The following WNT11 variants were observed in gnomAD, a reference collection of about 807,000 sequenced individuals.
WNT11 encodes protein Wnt-11.
Under a neutral mutation model 35.6 loss-of-function variants are expected in WNT11, and 20 were observed. The observed-to-expected ratio is 0.56, with a 90% CI of 0.40 to 0.82. The LOEUF (loss-of-function observed/expected upper bound fraction) is 0.82, where lower values mean the gene tolerates loss of function less well. Among genes scored for constraint, WNT11 ranks in the 40% least tolerant of loss-of-function variants. The pLI, the probability that WNT11 is intolerant of heterozygous loss-of-function variation, is 0.00. For missense variants in WNT11, 459 were observed against 504.4 expected (o/e 0.91, Z 0.86); for synonymous variants, 200 against 211.9 (o/e 0.94, Z 0.49).
chr11:76,195,224 G>A (rs76651547), intron 2 of WNT11, among the ~76,000 whole-genome samples: 1,606 of 152,328 alleles, frequency 0.011, 27 homozygotes, highest in African/African-American at 0.036. Flanking sequence ...GTGTCCCCCC[G>A]AAGGATGTGT....
At chr11:76,202,389 A>G (rs1953393212) in intron 1 of WNT11, among the ~76,000 whole-genome samples, 1 of 152,114 alleles carries the variant, frequency 6.6e-6, no homozygotes, top group African/African-American at 2.4e-5. Context: ...TGGGAGAACA[A>G]TTGAGTCGAG....
upstream of WNT11, chr11:76,206,770 G>C (rs1295563716): frequency 3.3e-5 from 1 of 29,862 alleles, no homozygotes; most frequent in Non-Finnish European, 4.9e-5. Context: ...CGGCAGAACC[G>C]GAGACCCAGG....
intron 1 of WNT11, among the ~76,000 whole-genome samples, chr11:76,204,452 G>A (rs1418992702): frequency 2.0e-5 from 3 of 152,122 alleles, no homozygotes; most frequent in South Asian, 2.1e-4. Flanking sequence ...TGTGCCTCCC[G>A]CCTAGGACGC....
Position 76,194,572 on chromosome 11 carries a change from T to TCCCCA in WNT11, c.587_591dup (p.Arg198TrpfsTer12). 1 of 1,544,128 alleles carries TCCCCA rather than the reference T, an allele frequency of 6.5e-7. No individual in the cohort carries two copies. The highest frequency in any genetic ancestry group is 8.8e-7 in the Non-Finnish European group (1 of 1,142,172). On this transcript the variant is annotated frameshift_variant, in exon 3 of 5. Coordinates refer to ENST00000322563, the MANE Select transcript of WNT11 (RefSeq NM_004626.3). LOFTEE classifies it high-confidence loss of function. The surrounding 1 kb of genome is among the most constrained non-coding windows in gnomAD (Gnocchi z 5.4). ...TGGGTGGGGTGGGTGGTTACCTGTC[T>TCCCCA]CCCCACTTCACTGTTGTGTAGACGC... is the stretch of plus-strand genomic sequence containing the variant.
Position 76,194,452 on chromosome 11 carries a change from G to T in WNT11, c.597+115C>A. 1 of 1,237,192 alleles carries T rather than the reference G, an allele frequency of 8.1e-7. No homozygotes were observed. The highest frequency in any genetic ancestry group is 1.1e-6 in the Non-Finnish European group (1 of 900,488). 76.6% of individuals were successfully genotyped at this position (1,237,192 alleles called of 1,614,324 possible). On this transcript the variant is annotated intron_variant, in intron 3 of 4. Coordinates refer to ENST00000322563, the MANE Select transcript of WNT11 (RefSeq NM_004626.3). This position sits in a 1 kb window ranked among gnomAD's most constrained non-coding sequence, Gnocchi z 5.4. ...GGATGGTGCGAGGCACATCAGGTGTGGGCCAGTCAGGGCCCGTCCCCCCGC... is the reference window on the plus strand; with the variant it reads ...GGATGGTGCGAGGCACATCAGGTGTTGGCCAGTCAGGGCCCGTCCCCCCGC...
upstream of WNT11, among the ~76,000 whole-genome samples, chr11:76,209,212 G>C (rs1953520902): frequency 6.6e-6 from 1 of 152,166 alleles, no homozygotes; most frequent in South Asian, 2.1e-4. Context: ...GAGAGCGAGC[G>C]GTCACCTCCT....
At chr11:76,203,492 T>TC (rs930039000) in intron 1 of WNT11, among the ~76,000 whole-genome samples, 18 of 151,324 alleles carry the variant, frequency 1.2e-4, no homozygotes, top group African/African-American at 4.4e-4. Context: ...CCTCAAACCC[T>TC]CCCCCTACCC....
At chr11:76,210,739 C>G (rs1464597892), upstream of WNT11, 3 of 925,108 alleles carry the variant, frequency 3.2e-6, no homozygotes, top group Non-Finnish European at 3.9e-6. Context: ...CCCGAGCTCT[C>G]CTCCTCGCCT....
chr11:76,206,200 C>T lies in WNT11; in HGVS notation c.83+125G>A, dbSNP rs1047525661. The T allele has an allele frequency of 3.1e-4, 268 of 875,180 alleles. 1 individual carries two copies. Among genetic ancestry groups the T allele is most frequent in the Non-Finnish European group, 6.4e-5 (41 of 635,886 alleles). The allele number at this position is 875,180 out of a possible 1,614,324, so 54.2% of individuals were successfully genotyped here. ...AAACAGAGGCTGAGGGATGACTTGCCCACGACCGCCAAGCCAGCTTAGGCT... is the reference window on the plus strand; with the variant it reads ...AAACAGAGGCTGAGGGATGACTTGCTCACGACCGCCAAGCCAGCTTAGGCT... On this transcript the variant is annotated intron_variant, in intron 1 of 4. Transcript: ENST00000322563.
At chr11:76,201,409 C>T (rs1953375513) in intron 1 of WNT11, among the ~76,000 whole-genome samples, 1 of 152,200 alleles carries the variant, frequency 6.6e-6, no homozygotes, top group African/African-American at 2.4e-5. Context: ...TGACCGTTTC[C>T]AAATAAATCC....
At chr11:76,198,688 C>T (rs192933071) in intron 1 of WNT11, among the ~76,000 whole-genome samples, 28 of 152,276 alleles carry the variant, frequency 1.8e-4, no homozygotes, top group African/African-American at 5.8e-4. Context: ...AGTCTAATGG[C>T]TGGATAAAGC....
At chr11:76,208,691 G>A (rs1165818593), upstream of WNT11, among the ~76,000 whole-genome samples, 1 of 152,152 alleles carries the variant, frequency 6.6e-6, no homozygotes, top group Non-Finnish European at 1.5e-5. Flanking sequence ...CCAGGGAGAG[G>A]AGGAGCCCCC....
At chr11:76,190,053 G>GGGGAGGGGAGACTGCCC in intron 4 of WNT11, among the ~76,000 whole-genome samples, 1 of 152,116 alleles carries the variant, frequency 6.6e-6, no homozygotes, top group East Asian at 1.9e-4. Context: ...TGAGGGCACG[G>GGGGAGGGGAGACTGCCC]GGGAGGGGAG....
chr11:76,205,757 G>T (rs940489804), intron 1 of WNT11, among the ~76,000 whole-genome samples: 3 of 152,198 alleles, frequency 2.0e-5, no homozygotes, highest in South Asian at 4.1e-4. Context: ...GGAATGCCCT[G>T]CACATGTGCA....
intron 2 of WNT11, among the ~76,000 whole-genome samples, 154 bp downstream of exon 2, chr11:76,196,329 C>T (rs1953284992): frequency 6.6e-6 from 1 of 152,166 alleles, no homozygotes. Context: ...CCACCCATAC[C>T]CCATCCATCC....
At chr11:76,191,465 C>T in intron 4 of WNT11, 99 bp downstream of exon 4, 1 of 1,369,026 alleles carries the variant, frequency 7.3e-7, no homozygotes. Context: ...CCATTCCCCA[C>T]ATGCCACCTG....
intron 4 of WNT11, among the ~76,000 whole-genome samples, chr11:76,191,262 G>A (rs999308338): frequency 6.6e-6 from 1 of 152,190 alleles, no homozygotes; most frequent in African/African-American, 2.4e-5. Context: ...TCCCCCAGTA[G>A]CGTCATTGTC....
At chr11:76,209,579 G>A (rs866470500), upstream of WNT11, among the ~76,000 whole-genome samples, 1 of 152,198 alleles carries the variant, frequency 6.6e-6, no homozygotes, top group African/African-American at 2.4e-5. Context: ...GGTTACCTGC[G>A]GGGCGGGGCG....
At chr11:76,187,386 T>A (rs2134560316) in intron 4 of WNT11, 147 bp from the exon 5 acceptor site, 1 of 763,950 alleles carries the variant, frequency 1.3e-6, no homozygotes, top group Non-Finnish European at 1.9e-6. Flanking sequence ...TGGGGAATTT[T>A]AAATAATCCT....
Sources: gnomAD v4.1 joint callset for allele counts (sites outside exome capture counted in the v4.1 genomes callset) on GRCh38, gnomAD v4.1.1 for gene constraint, Gnocchi (gnomAD v3.1) non-coding constraint, MANE v1.5 for transcripts, NCBI Gene and HGNC (gene_info 2026-07-23, HGNC 2026-07-21) for gene names.